The following SLC45A4 variants were observed in gnomAD, a reference collection of about 807,000 sequenced individuals.
SLC45A4 encodes solute carrier family 45 member 4.
A neutral mutation model predicts 63.7 loss-of-function variants in SLC45A4; 32 were observed. That is an observed-to-expected ratio of 0.50 (90% CI 0.38 to 0.67). The LOEUF is 0.67. Ranked by LOEUF, SLC45A4 falls within the 30% of genes least tolerant of loss-of-function variation. The pLI is 0.00. For missense variants in SLC45A4, 1,027 were observed against 1,157.7 expected (o/e 0.89, Z 1.64); for synonymous variants, 535 against 510.0 (o/e 1.05, Z -0.66).
rs573213031 is a variant in SLC45A4 at position 141,221,034 on chromosome 8, C to T, written c.430+543G>A. ...GCCGCTTAACTCCCTCAGCTCCCTC[C>T]GCATCAGTGCAGGCCCGGGGCAAGT... On this transcript the variant is annotated intron_variant, in intron 3 of 8. Transcript: ENST00000517878. 4.0e-3 allele frequency among the ~76,000 whole-genome samples: 609 copies of T among 152,372 alleles called. 4 individuals are homozygous for T. Among genetic ancestry groups the T allele is most frequent in the Non-Finnish European group, 4.8e-3 (327 of 68,034 alleles).
At chr8:141,244,455 A>G (rs1048727095) in intron 2 of SLC45A4, among the ~76,000 whole-genome samples, 1 of 152,182 alleles carries the variant, frequency 6.6e-6, no homozygotes, top group Admixed American at 6.5e-5. Context: ...CACACTGGGC[A>G]TGGGAACAAA....
chr8:141,214,539 C>T (rs1227130767), intron 7 of SLC45A4, among the ~76,000 whole-genome samples: 1 of 152,198 alleles, frequency 6.6e-6, no homozygotes, highest in Non-Finnish European at 1.5e-5. Flanking sequence ...TCACTCTCCC[C>T]AAATTGACCC....
At chr8:141,299,517 C>A (rs190713397) in intron 1 of SLC45A4, among the ~76,000 whole-genome samples, 42 of 152,266 alleles carry the variant, frequency 2.8e-4, no homozygotes, top group Non-Finnish European at 4.0e-4. Flanking sequence ...CAAATGGGCA[C>A]GGTTAGGGAC....
intron 2 of SLC45A4, among the ~76,000 whole-genome samples, chr8:141,250,400 G>GT (rs1828406906): frequency 2.3e-5 from 3 of 132,620 alleles, no homozygotes; most frequent in Non-Finnish European, 4.9e-5. Flanking sequence ...TGGTGTGAGT[G>GT]GTTTTTTTTT....
chr8:141,257,270 C>T (rs1589822561), intron 1 of SLC45A4, among the ~76,000 whole-genome samples: 1 of 152,242 alleles, frequency 6.6e-6, no homozygotes, highest in Non-Finnish European at 1.5e-5. Context: ...TCATTCCTAA[C>T]AGAAAATTTC....
At chr8:141,283,576 G>C (rs1830038002) in intron 1 of SLC45A4, among the ~76,000 whole-genome samples, 1 of 152,254 alleles carries the variant, frequency 6.6e-6, no homozygotes, top group South Asian at 2.1e-4. Context: ...GCTAGTCCCA[G>C]GGGGCAGCAA....
chr8:141,293,936 A>G (rs1194173458), intron 1 of SLC45A4, among the ~76,000 whole-genome samples: 4 of 148,788 alleles, frequency 2.7e-5, no homozygotes, highest in East Asian at 2.0e-4. Context: ...CTATCTCAAG[A>G]AAAAAAAAAA....
At chr8:141,297,572 A>C (rs1589864915) in intron 1 of SLC45A4, among the ~76,000 whole-genome samples, 1 of 152,342 alleles carries the variant, frequency 6.6e-6, no homozygotes, top group East Asian at 1.9e-4. Context: ...TACAACCACA[A>C]ACTGGCACCA....
intron 1 of SLC45A4, among the ~76,000 whole-genome samples, chr8:141,294,239 T>C (rs1830460299): frequency 6.6e-6 from 1 of 152,204 alleles, no homozygotes; most frequent in Non-Finnish European, 1.5e-5. Flanking sequence ...ATGTGCCACC[T>C]GAGAAAACCC....
intron 2 of SLC45A4, among the ~76,000 whole-genome samples, chr8:141,249,918 C>T (rs192034578): frequency 6.6e-6 from 1 of 152,340 alleles, no homozygotes; most frequent in East Asian, 1.9e-4. Context: ...AAAATACCTT[C>T]TATTCATGAT....
In SLC45A4 at chr8:141,215,877, A is replaced by G; in HGVS notation, c.1823T>C (p.Met608Thr). ...GACGTAGACGTTGGGAAACATGGCC[A>G]TCACGGCTGTGCCGACAGAGAAGCC... ...TLGFSVGTAV[M>T]AMFPNVYVAM... Residue 608 changes from methionine to threonine, a missense_variant, in exon 7 of 9, where the codon ATG (methionine) becomes ACG (threonine). Physicochemically the swap from Met to Thr is moderately conservative, Grantham distance 81. Transcript: ENST00000517878. The surrounding 1 kb of genome is among the most constrained non-coding windows in gnomAD (Gnocchi z 4.3). The G allele has an allele frequency of 6.2e-7, 1 of 1,614,174 alleles. No individual in the cohort carries two copies. Among genetic ancestry groups the G allele is most frequent in the Non-Finnish European group, 8.5e-7 (1 of 1,180,032 alleles).
chr8:141,279,005 C>T (rs907614472), intron 1 of SLC45A4, among the ~76,000 whole-genome samples: 4 of 152,246 alleles, frequency 2.6e-5, no homozygotes, highest in African/African-American at 9.6e-5. Context: ...GGCACAGTTT[C>T]TCTCCACAGG....
chr8:141,210,719 A>G lies in SLC45A4; in HGVS notation c.*853T>C, dbSNP rs1825757248. On this transcript the variant is annotated 3_prime_UTR_variant, in exon 9 of 9. Transcript: ENST00000517878. ...ATGATCATATTGCAGCATGATTCTC[A>G]TGCATTTCAAAGTACTTTATTTAAA... is the stretch of plus-strand genomic sequence containing the variant. 1 of 152,208 alleles carries G rather than the reference A, an allele frequency of 6.6e-6. No homozygotes were observed. Among genetic ancestry groups the G allele is most frequent in the Non-Finnish European group, 1.5e-5 (1 of 68,024 alleles). 9.4% of individuals were successfully genotyped at this position (152,208 alleles called of 1,614,324 possible). A position where few individuals can be genotyped will look rare whatever the true frequency, so the allele number is the denominator to read the frequency against.
At chr8:141,250,076 A>G (rs1173308477) in intron 2 of SLC45A4, among the ~76,000 whole-genome samples, 1 of 152,168 alleles carries the variant, frequency 6.6e-6, no homozygotes, top group Non-Finnish European at 1.5e-5. Flanking sequence ...TTCAGTCAGC[A>G]TTTCTGGAGG....
intron 1 of SLC45A4, among the ~76,000 whole-genome samples, chr8:141,285,458 G>A (rs981616673): frequency 2.0e-5 from 3 of 152,144 alleles, no homozygotes; most frequent in South Asian, 2.1e-4. Context: ...CACTTGGCCC[G>A]AGGTCACGGT....
chr8:141,228,378 C>T, intron 2 of SLC45A4: 1 of 1,525,540 alleles, frequency 6.6e-7, no homozygotes, highest in Non-Finnish European at 8.8e-7. Context: ...GCTAGAGGCC[C>T]CTGGCCAGAC....
At position 141,239,834 on chromosome 8, in the gene SLC45A4, G is replaced by A. The variant is rs564175532; in HGVS notation, c.241+14155C>T. ...TGCAGGTGACTCAGTGCGGGGCTGAGGCCTGGTCATCTCTGCACACCTGCT... is the reference window on the plus strand; with the variant it reads ...TGCAGGTGACTCAGTGCGGGGCTGAAGCCTGGTCATCTCTGCACACCTGCT... On this transcript the variant is annotated intron_variant, in intron 2 of 8. Coordinates refer to ENST00000517878, the MANE Select transcript of SLC45A4 (RefSeq NM_001286646.2). Among the ~76,000 whole-genome samples, 149 of 152,328 alleles carry A rather than the reference G, an allele frequency of 9.8e-4. 1 individual carries two copies. Among genetic ancestry groups the A allele is most frequent in the Middle Eastern group, 6.8e-3 (2 of 294 alleles).
At position 141,278,314 on chromosome 8, in the gene SLC45A4, C is replaced by G. The variant is rs1412550691; in HGVS notation, c.-400-23685G>C. ...CCAACAACTGAGCCAACTGGGACTCCTCGGTCTGTGAAACCCATGAGGACA... is the reference window on the plus strand; with the variant it reads ...CCAACAACTGAGCCAACTGGGACTCGTCGGTCTGTGAAACCCATGAGGACA... On this transcript the variant is annotated intron_variant, in intron 1 of 8. Transcript: ENST00000517878. This position sits in a 1 kb window ranked among gnomAD's most constrained non-coding sequence, Gnocchi z 4.1. 6.6e-6 allele frequency: 1 copy of G among 152,422 alleles called. No individual in the cohort carries two copies. The highest frequency in any genetic ancestry group is 2.4e-5 in the African/African-American group (1 of 41,470). The allele number at this position is 152,422 out of a possible 1,614,324, so 9.4% of individuals were successfully genotyped here. A position where few individuals can be genotyped will look rare whatever the true frequency, so the allele number is the denominator to read the frequency against.
chr8:141,232,995 G>A (rs1427890334), intron 2 of SLC45A4, among the ~76,000 whole-genome samples: 5 of 152,244 alleles, frequency 3.3e-5, no homozygotes, highest in Non-Finnish European at 4.4e-5. Context: ...AGCAGCCAGC[G>A]CTGAGCGGCA....
Sources: gnomAD v4.1 joint callset for allele counts (sites outside exome capture counted in the v4.1 genomes callset) on GRCh38, gnomAD v4.1.1 for gene constraint, Gnocchi (gnomAD v3.1) non-coding constraint, MANE v1.5 for transcripts, NCBI Gene and HGNC (gene_info 2026-07-23, HGNC 2026-07-21) for gene names.